CNTNAP2: variants seen among roughly 807,000 people sequenced by gnomAD.
The protein encoded by CNTNAP2 is contactin associated protein 2.
In CNTNAP2, 98 loss-of-function variants were observed where a neutral mutation model predicts 155.2. That is an observed-to-expected ratio of 0.63 (90% confidence interval 0.54 to 0.75). CNTNAP2 has a LOEUF of 0.75. Ranked by LOEUF, CNTNAP2 falls within the 30% of genes least tolerant of loss-of-function variation. The pLI, the probability that CNTNAP2 is intolerant of heterozygous loss-of-function variation, is 0.00. For synonymous variants in CNTNAP2, 651 were observed against 631.2 expected, an observed-to-expected ratio of 1.03 and a Z score of -0.47; for missense variants, 1,727 against 1,688.1, an observed-to-expected ratio of 1.02 and a Z score of -0.40.
intron 3 of CNTNAP2, among the ~76,000 whole-genome samples, chr7:146,948,079 A>G (rs1196025503): frequency 6.6e-6 from 1 of 152,204 alleles, no homozygotes; most frequent in African/African-American, 2.4e-5. Context: ...GGTACATTTG[A>G]ATGAAGGTAT....
intron 13 of CNTNAP2, among the ~76,000 whole-genome samples, chr7:147,767,580 G>T (rs1315959152): frequency 1.3e-5 from 2 of 151,796 alleles, no homozygotes; most frequent in African/African-American, 4.8e-5. Flanking sequence ...TAATATTATT[G>T]TTTATAGGGC....
intron 8 of CNTNAP2, among the ~76,000 whole-genome samples, chr7:147,178,374 G>A (rs1393582780): frequency 6.6e-6 from 1 of 152,138 alleles, no homozygotes; most frequent in African/African-American, 2.4e-5. Flanking sequence ...TTTAGAAGGT[G>A]GAAAAGGCAA....
chr7:146,263,367 C>T (rs1370537563), intron 1 of CNTNAP2, among the ~76,000 whole-genome samples: 1 of 146,250 alleles, frequency 6.8e-6, no homozygotes, highest in East Asian at 1.9e-4. Context: ...TTGTAAATCT[C>T]CCTTTCTCCC....
intron 1 of CNTNAP2, among the ~76,000 whole-genome samples, chr7:146,562,307 A>G (rs934057129): frequency 2.0e-5 from 3 of 152,034 alleles, no homozygotes; most frequent in Admixed American, 6.6e-5. Flanking sequence ...TTTTAAAAAA[A>G]TTTCTCATTT....
intron 10 of CNTNAP2, among the ~76,000 whole-genome samples, chr7:147,404,393 A>G (rs1208893405): frequency 1.3e-5 from 2 of 152,202 alleles, no homozygotes; most frequent in East Asian, 1.9e-4. Context: ...CAACTTAAAC[A>G]TATAGAAAAA....
In CNTNAP2 at chr7:147,618,674, A is replaced by C. The variant is rs1298488257; in HGVS notation, c.1898-20432A>C. Among the ~76,000 whole-genome samples the C allele has an allele frequency of 3.6e-3, 532 of 148,224 alleles. 2 individuals are homozygous for C. Among genetic ancestry groups the C allele is most frequent in the African/African-American group, 0.013 (508 of 39,202 alleles). On this transcript the variant is annotated intron_variant, in intron 12 of 23. Coordinates refer to ENST00000361727, the MANE Select transcript of CNTNAP2 (RefSeq NM_014141.6). ...TAATAACAGCTATTATATATATAAT[A>C]ACAGCTATTATATATATATAATAAC...
At chr7:148,409,070 G>A (rs559365403) in intron 22 of CNTNAP2, among the ~76,000 whole-genome samples, 1 of 152,318 alleles carries the variant, frequency 6.6e-6, no homozygotes, top group African/African-American at 2.4e-5. Flanking sequence ...TCAACCAAAT[G>A]TAAGAAACAT....
intron 14 of CNTNAP2, among the ~76,000 whole-genome samples, chr7:147,943,494 G>A (rs928840608): frequency 5.3e-5 from 8 of 152,002 alleles, no homozygotes; most frequent in African/African-American, 9.7e-5. Context: ...TGGGCCGGGC[G>A]AAGTCGCTCA....
chr7:147,986,873 T>TTGTG (rs71686634), intron 15 of CNTNAP2, among the ~76,000 whole-genome samples: 150 of 147,442 alleles, frequency 1.0e-3, no homozygotes, highest in Admixed American at 3.3e-3. Context: ...TGTTTTTTGT[T>TTGTG]TGTGTGTGTG....
intron 14 of CNTNAP2, among the ~76,000 whole-genome samples, chr7:147,966,362 T>A (rs191840860): frequency 6.6e-6 from 1 of 152,120 alleles, no homozygotes; most frequent in East Asian, 1.9e-4. Flanking sequence ...TAAGCAAAAA[T>A]TTAGGGAGTG....
At chr7:146,735,957 T>C (rs570278669) in intron 1 of CNTNAP2, among the ~76,000 whole-genome samples, 1 of 152,306 alleles carries the variant, frequency 6.6e-6, no homozygotes, top group African/African-American at 2.4e-5. Flanking sequence ...ACAGATATGC[T>C]ACTTACTCTG....
chr7:147,906,577 A>G (rs1015208886), intron 14 of CNTNAP2, among the ~76,000 whole-genome samples: 1 of 149,546 alleles, frequency 6.7e-6, no homozygotes, highest in Non-Finnish European at 1.5e-5. Flanking sequence ...CTCCTGCTTC[A>G]GCCTCCCAAG....
intron 1 of CNTNAP2, among the ~76,000 whole-genome samples, chr7:146,135,898 C>T (rs543983740): frequency 3.3e-5 from 5 of 152,074 alleles, no homozygotes; most frequent in African/African-American, 4.8e-5. Context: ...AAAATTCCAT[C>T]AAAATCAAGC....
chr7:147,053,655 C>T (rs1342473426), intron 4 of CNTNAP2, among the ~76,000 whole-genome samples: 2 of 152,032 alleles, frequency 1.3e-5, no homozygotes, highest in East Asian at 3.9e-4. Context: ...ATGTCTGTCA[C>T]TCTGAAATAT....
chr7:146,168,112 T>C (rs985486465), intron 1 of CNTNAP2, among the ~76,000 whole-genome samples: 2 of 152,096 alleles, frequency 1.3e-5, no homozygotes, highest in African/African-American at 4.8e-5. Context: ...TGGCAGCTAA[T>C]TACATGGTGC....
chr7:146,506,740 C>T (rs928887391), intron 1 of CNTNAP2, among the ~76,000 whole-genome samples: 2 of 152,176 alleles, frequency 1.3e-5, no homozygotes, highest in Non-Finnish European at 2.9e-5. Context: ...ATAGGTGTCT[C>T]CTCCTTAGTG....
At chr7:147,670,102 T>A (rs775702586) in intron 13 of CNTNAP2, among the ~76,000 whole-genome samples, 4 of 152,230 alleles carry the variant, frequency 2.6e-5, no homozygotes, top group Non-Finnish European at 4.4e-5. Context: ...AATGTCAATG[T>A]GTAAAATATG....
In CNTNAP2 at chr7:147,552,098, A is replaced by C. The variant is rs568218166; in HGVS notation, c.1778-10040A>C. Reference sequence around the variant, plus strand: ...ACTGTAAGTTACAGAACCAAGTCACAAAAAGGAGTTCTGATTCTTGATCTA... The same window carrying C: ...ACTGTAAGTTACAGAACCAAGTCACCAAAAGGAGTTCTGATTCTTGATCTA... On this transcript the variant is annotated intron_variant, in intron 11 of 23. Transcript: ENST00000361727. 7.9e-5 allele frequency among the ~76,000 whole-genome samples: 12 copies of C among 152,312 alleles called. No homozygotes were observed. In the East Asian group the frequency reaches 2.3e-3, roughly 29 times the overall value.
intron 1 of CNTNAP2, among the ~76,000 whole-genome samples, chr7:146,616,746 C>G (rs553951446): frequency 6.6e-6 from 1 of 152,146 alleles, no homozygotes; most frequent in Non-Finnish European, 1.5e-5. Flanking sequence ...GCACTGCCAA[C>G]GCAGGCCCAT....
Sources: allele counts gnomAD v4.1 joint callset (sites outside exome capture counted in the v4.1 genomes callset), GRCh38; gene constraint gnomAD v4.1.1; transcripts MANE v1.5; gene names NCBI Gene and HGNC (gene_info 2026-07-23, HGNC 2026-07-21).